Variants in TJP2 observed in about 807,000 individuals in gnomAD.
The protein encoded by TJP2 is Friedreich ataxia region gene X104 (tight junction protein ZO-2).
In TJP2, 91 loss-of-function variants were observed where a neutral mutation model predicts 133.1. That is an observed-to-expected ratio of 0.68 (90% CI 0.58 to 0.81). The LOEUF (loss-of-function observed/expected upper bound fraction) is 0.81, where lower values mean the gene tolerates loss of function less well. TJP2 is among the 40% of genes least tolerant of loss of function. The pLI, the probability that TJP2 is intolerant of heterozygous loss-of-function variation, is 0.00. For missense variants in TJP2, 1,541 were observed against 1,565.6 expected (o/e 0.98, Z 0.26); for synonymous variants, 592 against 583.4 (o/e 1.01, Z -0.21).
intron 5 of TJP2, 134 bp from the exon 6 acceptor site, chr9:69,225,170 G>A: frequency 1.5e-6 from 1 of 650,676 alleles, no homozygotes; most frequent in Non-Finnish European, 2.7e-6. Flanking sequence ...AAGAGTTCAG[G>A]CCAGTCATCT....
chr9:69,183,429 A>T (rs1286486841), intron 1 of TJP2, among the ~76,000 whole-genome samples: 1 of 152,188 alleles, frequency 6.6e-6, no homozygotes, highest in Non-Finnish European at 1.5e-5. Flanking sequence ...CCATATATAA[A>T]TAAAATCAAC....
intron 4 of TJP2, among the ~76,000 whole-genome samples, chr9:69,220,377 A>G (rs563777624): frequency 6.6e-6 from 1 of 152,328 alleles, no homozygotes; most frequent in East Asian, 1.9e-4. Flanking sequence ...TCTTTTCTTT[A>G]TGGTAGAAAC....
intron 1 of TJP2, among the ~76,000 whole-genome samples, chr9:69,128,614 C>G (rs1822354851): frequency 1.3e-5 from 2 of 151,456 alleles, no homozygotes; most frequent in Non-Finnish European, 2.9e-5. Flanking sequence ...GCTCTGCCTT[C>G]CGGGTTCACA....
At chr9:69,199,037 A>G (rs1239035480) in intron 1 of TJP2, among the ~76,000 whole-genome samples, 1 of 152,222 alleles carries the variant, frequency 6.6e-6, no homozygotes, top group Non-Finnish European at 1.5e-5. Flanking sequence ...AGCTGTTTCA[A>G]AGTTTTGTCC....
chr9:69,221,532 G>T (rs1828858130), intron 5 of TJP2, 36 bp downstream of exon 5: 2 of 1,586,718 alleles, frequency 1.3e-6, no homozygotes. Context: ...AAGCACTGTT[G>T]TGATATGAAT....
At chr9:69,213,551 C>A (rs1828105546) in intron 2 of TJP2, among the ~76,000 whole-genome samples, 1 of 152,136 alleles carries the variant, frequency 6.6e-6, no homozygotes, top group South Asian at 2.1e-4. Context: ...GCTTTGTCTT[C>A]TATGAAAATT....
rs770313738 is a variant in TJP2, at chr9:69,251,044, C to T, written c.3001C>T (p.Gln1001Ter). 2 of 1,614,122 alleles carry T rather than the reference C, an allele frequency of 1.2e-6. No individual in the cohort carries two copies. The highest frequency in any genetic ancestry group is 3.3e-5 in the Admixed American group (2 of 60,032). Residue 1001 changes from glutamine to a stop codon, truncating the protein, a stop_gained, in exon 21 of 23, where the codon CAG becomes TAG. Coordinates refer to ENST00000377245, the MANE Select transcript of TJP2 (RefSeq NM_004817.4). LOFTEE classifies it high-confidence loss of function. Reference sequence around the variant, plus strand: ...TCATTGCTCTCCGCAGGCCAAAACCCAGAACAAAGAAGAATCCTATGACTT... The same window carrying T: ...TCATTGCTCTCCGCAGGCCAAAACCTAGAACAAAGAAGAATCCTATGACTT... ...FKPEPPKAKT[Q>*]NKEESYDFSK...
chr9:69,215,348 A>T (rs943438415), intron 2 of TJP2, among the ~76,000 whole-genome samples: 12 of 152,040 alleles, frequency 7.9e-5, no homozygotes, highest in African/African-American at 2.9e-4. Context: ...ATTGGCTAGC[A>T]CTGGGAAGAG....
At chr9:69,248,970 C>CAAAAAAAAAAAAA (rs56986564) in intron 19 of TJP2, 2 of 822,652 alleles carry the variant, frequency 2.4e-6, no homozygotes, top group Non-Finnish European at 2.8e-6. Context: ...ATAGAACTAC[C>CAAAAAAAAAAAAA]AAAAAAAAAA....
intron 2 of TJP2, 106 bp downstream of exon 2, chr9:69,212,707 T>G (rs980206535): frequency 1.2e-6 from 1 of 845,254 alleles, no homozygotes; most frequent in Non-Finnish European, 2.0e-6. Context: ...TTTTTTCCCT[T>G]GAGGTACATA....
chr9:69,208,660 G>A (rs1827620687), intron 1 of TJP2, among the ~76,000 whole-genome samples: 1 of 152,142 alleles, frequency 6.6e-6, no homozygotes, highest in African/African-American at 2.4e-5. Flanking sequence ...TAAAAGTAAT[G>A]TACTCATAAA....
At chr9:69,194,194 G>A (rs1826393941) in intron 1 of TJP2, among the ~76,000 whole-genome samples, 2 of 135,054 alleles carry the variant, frequency 1.5e-5, no homozygotes, top group African/African-American at 5.6e-5. Context: ...TTCCTTCCCA[G>A]GAAAAATTTT....
At chr9:69,215,692 T>TG (rs1015337477) in intron 2 of TJP2, among the ~76,000 whole-genome samples, 2 of 149,252 alleles carry the variant, frequency 1.3e-5, no homozygotes, top group South Asian at 2.1e-4. Flanking sequence ...GGCAGAAGGT[T>TG]TTTTTTTTTT....
intron 1 of TJP2, among the ~76,000 whole-genome samples, chr9:69,185,843 A>G (rs997038880): frequency 2.7e-5 from 4 of 150,940 alleles, no homozygotes; most frequent in African/African-American, 4.9e-5. Flanking sequence ...CTGTCCTATT[A>G]TAAGTTTATT....
Position 69,221,548 on chromosome 9 carries a change from T to C in TJP2, c.952+52T>C, listed in dbSNP as rs183291194. On this transcript the variant is annotated intron_variant, in intron 5 of 22. Transcript: ENST00000377245. ...AGCACTGTTGTGATATGAATAACCT[T>C]TGTTTTCTTAATTTTTTTTTTTCCC... 958 of 1,566,268 alleles carry C rather than the reference T, an allele frequency of 6.1e-4. 6 individuals carry two copies. The African/African-American group carries it at 0.01, about 17-fold the overall frequency.
At chr9:69,160,455 C>G (rs906170802) in intron 2 of TJP2, among the ~76,000 whole-genome samples, 1 of 152,202 alleles carries the variant, frequency 6.6e-6, no homozygotes, top group African/African-American at 2.4e-5. Flanking sequence ...TATGACTCCA[C>G]ACCTTGCTTG....
chr9:69,137,409 A>G (rs1038904414), intron 1 of TJP2, among the ~76,000 whole-genome samples: 1 of 149,786 alleles, frequency 6.7e-6, no homozygotes, highest in East Asian at 2.0e-4. Context: ...AGCTCACTGC[A>G]ACGTGTGCAG....
intron 1 of TJP2, among the ~76,000 whole-genome samples, chr9:69,184,867 C>T (rs1216331566): frequency 8.8e-6 from 1 of 113,838 alleles, no homozygotes; most frequent in Non-Finnish European, 2.0e-5. Flanking sequence ...CCTCTCACCT[C>T]AGCCTCCGAT....
intron 9 of TJP2, 102 bp from the exon 10 acceptor site, chr9:69,229,082 G>A (rs2133335741): frequency 2.8e-6 from 3 of 1,061,752 alleles, no homozygotes; most frequent in Non-Finnish European, 4.4e-6. Context: ...GGTGACATAT[G>A]TGGCATAGAC....
Sources: gnomAD v4.1 joint callset for allele counts (sites outside exome capture counted in the v4.1 genomes callset) on GRCh38, gnomAD v4.1.1 for gene constraint, MANE v1.5 for transcripts, NCBI Gene and HGNC (gene_info 2026-07-23, HGNC 2026-07-21) for gene names.